Variants in ADAM23 observed in about 807,000 individuals in gnomAD.
ADAM23 encodes disintegrin and metalloproteinase domain-containing protein 23.
A neutral mutation model predicts 120.1 loss-of-function variants in ADAM23; 33 were observed. That is an observed-to-expected ratio of 0.27 (90% CI 0.21 to 0.37). The LOEUF (loss-of-function observed/expected upper bound fraction) is 0.37. Ranked by LOEUF, ADAM23 falls within the 10% of genes least tolerant of loss-of-function variation. The pLI, the probability that ADAM23 is intolerant of heterozygous loss-of-function variation, is 1.00. For synonymous variants in ADAM23, 367 were observed against 375.2 expected (o/e 0.98, Z 0.25); for missense variants, 862 against 1,058.2 (o/e 0.81, Z 2.57).
At position 206,619,196 on chromosome 2, in the gene ADAM23, G is replaced by C. The variant is rs948985905; in HGVS notation, c.*1569G>C. The C allele has an allele frequency of 5.9e-5, 9 of 152,198 alleles. No individual in the cohort carries two copies. Among genetic ancestry groups the C allele is most frequent in the African/African-American group, 2.2e-4 (9 of 41,452 alleles). 9.4% of individuals were successfully genotyped at this position (152,198 alleles called of 1,614,324 possible). On this transcript the variant is annotated 3_prime_UTR_variant, in exon 26 of 26. Coordinates refer to ENST00000264377, the MANE Select transcript of ADAM23 (RefSeq NM_003812.4). ...CTTGTTTGACCTCTGGCATTTTACT[G>C]ATCAGTGGACCGTTGCACTGGATTA...
At chr2:206,445,764 G>T (rs778688595) in intron 2 of ADAM23, among the ~76,000 whole-genome samples, 1 of 152,186 alleles carries the variant, frequency 6.6e-6, no homozygotes, top group Non-Finnish European at 1.5e-5. Context: ...TGATATCCAT[G>T]TATCTTTCAG....
intron 2 of ADAM23, among the ~76,000 whole-genome samples, chr2:206,478,048 T>C (rs1695820521): frequency 1.3e-5 from 2 of 151,742 alleles, no homozygotes; most frequent in South Asian, 4.2e-4. Context: ...ATGGACTGCA[T>C]AGCATCCAGA....
intron 2 of ADAM23, among the ~76,000 whole-genome samples, chr2:206,478,418 TC>T (rs1695827688): frequency 6.6e-6 from 1 of 152,172 alleles, no homozygotes; most frequent in Non-Finnish European, 1.5e-5. Flanking sequence ...GTTTTTTTTT[TC>T]CTATGGATAA....
chr2:206,578,838 C>T (rs913052334), intron 18 of ADAM23, among the ~76,000 whole-genome samples: 8 of 152,136 alleles, frequency 5.3e-5, no homozygotes, highest in Non-Finnish European at 8.8e-5. Flanking sequence ...AGTGGCGGTA[C>T]TAGTTTACAT....
At chr2:206,591,306 T>A (rs1698421126) in intron 21 of ADAM23, among the ~76,000 whole-genome samples, 1 of 152,144 alleles carries the variant, frequency 6.6e-6, no homozygotes, top group South Asian at 2.1e-4. Flanking sequence ...ATCCCAGAAA[T>A]AGTGCAGATA....
Position 206,617,889 on chromosome 2 carries a change from T to G in ADAM23, c.*262T>G, listed in dbSNP as rs1698965384. On this transcript the variant is annotated 3_prime_UTR_variant, in exon 26 of 26. Transcript: ENST00000264377. ...TATAAAAAGAACTGTTCCAGAATCT[T>G]TTTTTTCCCTAATGGACGAAGGAAC... 1 of 508,250 alleles carries G rather than the reference T, an allele frequency of 2.0e-6. No homozygotes were observed. The highest frequency in any genetic ancestry group is 4.5e-5 in the Admixed American group (1 of 22,160). 31.5% of individuals were successfully genotyped at this position (508,250 alleles called of 1,614,324 possible). A position where few individuals can be genotyped will look rare whatever the true frequency, so the allele number is the denominator to read the frequency against.
intron 4 of ADAM23, among the ~76,000 whole-genome samples, chr2:206,540,762 A>T (rs554060597): frequency 6.6e-6 from 1 of 152,150 alleles, no homozygotes; most frequent in East Asian, 1.9e-4. Context: ...TTGAAAGTAG[A>T]TGTAGAGCGG....
rs888314171 is a variant in ADAM23 at position 206,478,191 on chromosome 2, A to G, written c.433-3041A>G. 3.3e-5 allele frequency among the ~76,000 whole-genome samples: 5 copies of G among 151,924 alleles called. No individual in the cohort carries two copies. The South Asian group carries it at 6.2e-4, about 19-fold the overall frequency. ...CTAAGCACTTGCAGAATGTATAGCA[A>G]TGGAAAGAGAAACAGAATGTAAGCA... On this transcript the variant is annotated intron_variant, in intron 2 of 25. Transcript: ENST00000264377.
At chr2:206,543,347 G>A (rs752776209) in intron 6 of ADAM23, 31 bp downstream of exon 6, 26 of 1,553,312 alleles carry the variant, frequency 1.7e-5, no homozygotes, top group African/African-American at 6.8e-5. Context: ...GCCTGATGGC[G>A]TTCTACTCCT....
chr2:206,573,637 ATTGG>A (rs1475198573), intron 18 of ADAM23, among the ~76,000 whole-genome samples: 2 of 151,994 alleles, frequency 1.3e-5, no homozygotes, highest in Non-Finnish European at 2.9e-5. Context: ...AAAAAAAAAA[ATTGG>A]ACATGCATTA....
intron 24 of ADAM23, among the ~76,000 whole-genome samples, chr2:206,599,368 A>G (rs1482803666): frequency 6.6e-6 from 1 of 152,206 alleles, no homozygotes; most frequent in African/African-American, 2.4e-5. Flanking sequence ...TTAAATTGAA[A>G]ATGTCATTAA....
chr2:206,465,466 T>A (rs753702413), intron 2 of ADAM23, among the ~76,000 whole-genome samples: 6 of 152,182 alleles, frequency 3.9e-5, no homozygotes, highest in Non-Finnish European at 7.3e-5. Flanking sequence ...TAAAATTTTC[T>A]TTTTGCCAAG....
intron 4 of ADAM23, among the ~76,000 whole-genome samples, chr2:206,540,920 AT>A (rs547563551): frequency 2.7e-5 from 4 of 146,936 alleles, no homozygotes; most frequent in South Asian, 2.1e-4. Flanking sequence ...AAAAATTATT[AT>A]TTTTATTATT....
intron 3 of ADAM23, among the ~76,000 whole-genome samples, chr2:206,519,740 G>A (rs545991753): frequency 1.3e-5 from 2 of 152,192 alleles, no homozygotes; most frequent in East Asian, 1.9e-4. Context: ...AGCCTGGCAA[G>A]GTGGCTATTT....
intron 2 of ADAM23, among the ~76,000 whole-genome samples, chr2:206,479,851 A>C (rs1209834748): frequency 6.6e-6 from 1 of 152,122 alleles, no homozygotes; most frequent in Non-Finnish European, 1.5e-5. Context: ...AATATTTGTT[A>C]ATTTCCTTTT....
intron 24 of ADAM23, among the ~76,000 whole-genome samples, chr2:206,597,789 A>T (rs1168751070): frequency 2.6e-5 from 4 of 152,156 alleles, no homozygotes; most frequent in African/African-American, 9.7e-5. Context: ...TTAGTTTTGG[A>T]TGAAAGTTTA....
At chr2:206,579,893 ATGATTTCTTT>A (rs1574546342) in intron 18 of ADAM23, among the ~76,000 whole-genome samples, 2 of 151,558 alleles carry the variant, frequency 1.3e-5, no homozygotes, top group African/African-American at 4.8e-5. Flanking sequence ...TGTGTCATCC[ATGATTTCTTT>A]CAGCAGTGTT....
chr2:206,605,821 C>A, intron 24 of ADAM23: 1 of 701,042 alleles, frequency 1.4e-6, no homozygotes, highest in Middle Eastern at 2.3e-4. Context: ...TAATAGGGGC[C>A]GTGGCCGGCA....
intron 18 of ADAM23, among the ~76,000 whole-genome samples, chr2:206,581,105 C>A (rs1300587178): frequency 1.3e-5 from 2 of 152,048 alleles, no homozygotes; most frequent in Non-Finnish European, 2.9e-5. Context: ...TTTCTCTCTT[C>A]TTTTCTTGGT....
Sources: allele counts gnomAD v4.1 joint callset (sites outside exome capture counted in the v4.1 genomes callset), GRCh38; gene constraint gnomAD v4.1.1; transcripts MANE v1.5; gene names NCBI Gene and HGNC (gene_info 2026-07-23, HGNC 2026-07-21).